ARHGAP21: variants seen among roughly 807,000 people sequenced by gnomAD.
ARHGAP21 encodes the protein rho GTPase-activating protein 21.
ARHGAP21 carries 38 observed loss-of-function variants against 164.6 expected under a neutral mutation model. That is an observed-to-expected ratio of 0.23 (90% CI 0.18 to 0.30). ARHGAP21 has a LOEUF of 0.30. Ranked by LOEUF, ARHGAP21 falls within the 10% of genes least tolerant of loss-of-function variation. The probability of loss-of-function intolerance (pLI) is 1.00; values close to 1 mark genes in which losing one functional copy is unlikely to be tolerated. For synonymous variants in ARHGAP21, 766 were observed against 857.9 expected, an observed-to-expected ratio of 0.89 and a Z score of 1.87; for missense variants, 1,822 against 2,370.7, an observed-to-expected ratio of 0.77 and a Z score of 4.81.
At chr10:24,722,848 G>T (rs1846066000) in intron 1 of ARHGAP21, 2 of 152,034 alleles carry the variant, frequency 1.3e-5, no homozygotes, top group East Asian at 3.9e-4. Flanking sequence ...GGACGGCCGG[G>T]GAGGCGTGCG....
chr10:24,660,355 G>C (rs1235344941), intron 4 of ARHGAP21, among the ~76,000 whole-genome samples: 1 of 136,312 alleles, frequency 7.3e-6, no homozygotes, highest in African/African-American at 2.8e-5. Flanking sequence ...CTACACTCCA[G>C]CCTGGGCACA....
At chr10:24,676,405 C>T (rs542174294) in intron 2 of ARHGAP21, among the ~76,000 whole-genome samples, 76 of 152,160 alleles carry the variant, frequency 5.0e-4, no homozygotes, top group Non-Finnish European at 9.4e-4. Context: ...TTTATCTGAC[C>T]CAGAATTTTA....
intron 2 of ARHGAP21, among the ~76,000 whole-genome samples, chr10:24,698,516 G>A (rs1220971833): frequency 6.6e-6 from 1 of 152,024 alleles, no homozygotes; most frequent in African/African-American, 2.4e-5. Flanking sequence ...AAGACAGATG[G>A]GTCGGCCATC....
chr10:24,668,522 C>T (rs960726193), intron 3 of ARHGAP21, among the ~76,000 whole-genome samples: 3 of 152,166 alleles, frequency 2.0e-5, no homozygotes, highest in African/African-American at 4.8e-5. Context: ...CATGAGCTGC[C>T]GGGATAGGCT....
At chr10:24,601,092 A>C (rs1262865239) in intron 13 of ARHGAP21, among the ~76,000 whole-genome samples, 162 bp from the exon 14 acceptor site, 4 of 152,206 alleles carry the variant, frequency 2.6e-5, no homozygotes, top group Non-Finnish European at 5.9e-5. Flanking sequence ...GAAGGATAAA[A>C]ATTGTGGAGC....
At chr10:24,625,221 T>A (rs1188315136) in intron 7 of ARHGAP21, among the ~76,000 whole-genome samples, 1 of 149,396 alleles carries the variant, frequency 6.7e-6, no homozygotes, top group East Asian at 2.0e-4. Flanking sequence ...TAAAATAATC[T>A]CTAGTTCATT....
chr10:24,686,866 C>G (rs1423481888), intron 2 of ARHGAP21, among the ~76,000 whole-genome samples: 1 of 152,140 alleles, frequency 6.6e-6, no homozygotes, highest in Admixed American at 6.5e-5. Context: ...GCAGAACTTC[C>G]CGATCAGTGT....
chr10:24,713,764 C>T (rs966930040), intron 2 of ARHGAP21, among the ~76,000 whole-genome samples: 2 of 152,006 alleles, frequency 1.3e-5, no homozygotes, highest in East Asian at 1.9e-4. Context: ...TTAGCCACCA[C>T]GTCCAGCCCA....
At chr10:24,639,116 A>C (rs1235935995) in intron 4 of ARHGAP21, among the ~76,000 whole-genome samples, 3 of 152,216 alleles carry the variant, frequency 2.0e-5, no homozygotes, top group Non-Finnish European at 4.4e-5. Context: ...GCAACAGTTA[A>C]GACCTTGGGC....
At chr10:24,678,161 T>TA (rs1482720887) in intron 2 of ARHGAP21, among the ~76,000 whole-genome samples, 2 of 152,124 alleles carry the variant, frequency 1.3e-5, no homozygotes, top group African/African-American at 4.8e-5. Context: ...ATGTAATCTT[T>TA]ACGCAATTTC....
At chr10:24,599,256 CAT>C (rs910250803) in intron 14 of ARHGAP21, among the ~76,000 whole-genome samples, 1 of 152,222 alleles carries the variant, frequency 6.6e-6, no homozygotes, top group African/African-American at 2.4e-5. Flanking sequence ...ATGCCTGACA[CAT>C]AGTAGGTGCC....
chr10:24,702,259 T>C (rs1298469420), intron 2 of ARHGAP21, among the ~76,000 whole-genome samples: 1 of 150,332 alleles, frequency 6.7e-6, no homozygotes, highest in East Asian at 2.0e-4. Flanking sequence ...GCCTTCTGAG[T>C]AGCTGGGACT....
intron 2 of ARHGAP21, among the ~76,000 whole-genome samples, chr10:24,710,924 T>A (rs983592495): frequency 1.3e-5 from 2 of 151,704 alleles, no homozygotes; most frequent in Non-Finnish European, 2.9e-5. Flanking sequence ...CGAAACCCCA[T>A]CTCTATTAAA....
chr10:24,592,268 G>A (rs1174396466), intron 21 of ARHGAP21, among the ~76,000 whole-genome samples: 1 of 145,090 alleles, frequency 6.9e-6, no homozygotes, highest in Non-Finnish European at 1.5e-5. Flanking sequence ...TTATTATGTT[G>A]CCAAGGCAGG....
intron 2 of ARHGAP21, among the ~76,000 whole-genome samples, chr10:24,704,677 C>G (rs1045332496): frequency 6.6e-6 from 1 of 151,998 alleles, no homozygotes; most frequent in African/African-American, 2.4e-5. Flanking sequence ...CCATGTTGCC[C>G]AGGCTGGTCT....
chr10:24,658,489 C>A (rs932375965), intron 4 of ARHGAP21, among the ~76,000 whole-genome samples: 1 of 152,202 alleles, frequency 6.6e-6, no homozygotes, highest in African/African-American at 2.4e-5. Flanking sequence ...CCATGGAATA[C>A]TATGCAGCCA....
intron 2 of ARHGAP21, among the ~76,000 whole-genome samples, chr10:24,693,648 T>G (rs538830224): frequency 1.2e-4 from 19 of 152,188 alleles, no homozygotes; most frequent in South Asian, 1.2e-3. Context: ...ACACTGCGCC[T>G]GGCCCCTAAA....
chr10:24,710,395 C>A (rs1844661968), intron 2 of ARHGAP21, among the ~76,000 whole-genome samples: 1 of 152,186 alleles, frequency 6.6e-6, no homozygotes, highest in African/African-American at 2.4e-5. Context: ...TTAGCTTAGA[C>A]ACAATCTTCC....
Position 24,585,291 on chromosome 10 carries a change from C to T in ARHGAP21, c.4998G>A (p.Arg1666=), listed in dbSNP as rs753875325. Residue 1666 remains arginine, a synonymous_variant, in exon 26 of 26, where the codon CGG becomes CGA. Coordinates refer to ENST00000396432, the MANE Select transcript of ARHGAP21 (RefSeq NM_020824.4). ...TTAATTCACTTCCTTCAGAATTTCT[C>T]CGGCTGCTCTTAGTCACTTCTTGCA... ...GKLQEVTKSS[R]RNSEGSELSC... The T allele has an allele frequency of 1.2e-6, 2 of 1,609,422 alleles. No individual in the cohort carries two copies. The highest frequency in any genetic ancestry group is 1.7e-6 in the Non-Finnish European group (2 of 1,179,494).
Sources: gnomAD v4.1 joint callset for allele counts (sites outside exome capture counted in the v4.1 genomes callset) on GRCh38, gnomAD v4.1.1 for gene constraint, MANE v1.5 for transcripts, NCBI Gene and HGNC (gene_info 2026-07-23, HGNC 2026-07-21) for gene names.